Variants in CELF2 observed in about 807,000 individuals in gnomAD.
The protein encoded by CELF2 is CUG triplet repeat RNA-binding protein 2.
CELF2 carries 8 observed loss-of-function variants against 62.6 expected under a neutral mutation model. That is an observed-to-expected ratio of 0.13 (90% CI 0.07 to 0.23). CELF2 has a LOEUF of 0.23. CELF2 is among the 10% of genes least tolerant of loss of function. The pLI is 1.00. For missense variants in CELF2, 333 were observed against 671.0 expected, an observed-to-expected ratio of 0.50 and a Z score of 5.56; for synonymous variants, 258 against 250.0, an observed-to-expected ratio of 1.03 and a Z score of -0.30.
chr10:10,976,047 G>C (rs2051303084), intron 2 of CELF2, among the ~76,000 whole-genome samples: 1 of 152,234 alleles, frequency 6.6e-6, no homozygotes. Flanking sequence ...TAACTTCTGG[G>C]TCTTTGCCTT....
At chr10:10,845,476 C>T (rs1172597437) in intron 1 of CELF2, among the ~76,000 whole-genome samples, 1 of 151,780 alleles carries the variant, frequency 6.6e-6, no homozygotes, top group East Asian at 1.9e-4. Context: ...CACACACACA[C>T]TCTGTCCAAG....
At position 11,306,433 on chromosome 10, in the gene CELF2, C is replaced by T. The variant is rs1430070628; in HGVS notation, c.977-7706C>T. 1.3e-5 allele frequency among the ~76,000 whole-genome samples: 2 copies of T among 152,048 alleles called. No homozygotes were observed. The highest frequency in any genetic ancestry group is 2.9e-5 in the Non-Finnish European group (2 of 68,010). On this transcript the variant is annotated intron_variant, in intron 9 of 12. Coordinates refer to ENST00000633077, the MANE Select transcript of CELF2 (RefSeq NM_001326342.2). This position sits in a 1 kb window ranked among gnomAD's most constrained non-coding sequence, Gnocchi z 4.4. The stretch of plus-strand genomic sequence containing the variant: ...AAATGGAGAGTCTGGGTGTTGGTGG[C>T]ACCGCATGTGTCTCTGTCTAAGACC...
At chr10:10,945,701 C>T (rs899918977) in intron 2 of CELF2, among the ~76,000 whole-genome samples, 11 of 152,152 alleles carry the variant, frequency 7.2e-5, no homozygotes, top group African/African-American at 1.9e-4. Context: ...TAAATGGTGT[C>T]GCTGACAGTC....
intron 1 of CELF2, among the ~76,000 whole-genome samples, chr10:11,089,567 G>A (rs1258224820): frequency 2.6e-5 from 4 of 152,198 alleles, no homozygotes; most frequent in Non-Finnish European, 2.9e-5. Context: ...CGTGAAGACA[G>A]GAGTGTCAGT....
chr10:10,844,129 T>C (rs1175638054), intron 1 of CELF2, among the ~76,000 whole-genome samples: 2 of 152,054 alleles, frequency 1.3e-5, no homozygotes, highest in Admixed American at 1.3e-4. Flanking sequence ...AGAGTCCTGA[T>C]ATTTTTTTCC....
intron 1 of CELF2, among the ~76,000 whole-genome samples, chr10:11,059,133 T>C (rs935326840): frequency 6.6e-6 from 1 of 152,216 alleles, no homozygotes; most frequent in Non-Finnish European, 1.5e-5. Context: ...AAACTGCTAC[T>C]TCAGCGCCCT....
At chr10:11,128,855 T>G (rs1055662185) in intron 1 of CELF2, among the ~76,000 whole-genome samples, 3 of 152,210 alleles carry the variant, frequency 2.0e-5, no homozygotes, top group African/African-American at 4.8e-5. Flanking sequence ...CTTTCCTAAT[T>G]GAATACCCTT....
At chr10:10,784,173 A>C in the CELF2 span, among the ~76,000 whole-genome samples, 1 of 152,270 alleles carries the variant, frequency 6.6e-6, no homozygotes, top group South Asian at 2.1e-4. Context: ...GATATGCCTC[A>C]TTTATTCTGG....
the CELF2 span, among the ~76,000 whole-genome samples, chr10:10,560,495 T>G: frequency 1.3e-5 from 2 of 152,168 alleles, no homozygotes; most frequent in African/African-American, 2.4e-5. Context: ...CATCCTACCC[T>G]GTCTTTGATT....
chr10:11,272,561 C>G (rs1003705641), intron 7 of CELF2, among the ~76,000 whole-genome samples: 1 of 152,264 alleles, frequency 6.6e-6, no homozygotes, highest in Non-Finnish European at 1.5e-5. Context: ...TCACAGAAAT[C>G]TCCGGCACAT....
intron 1 of CELF2, among the ~76,000 whole-genome samples, chr10:10,854,281 A>C (rs2059574041): frequency 1.3e-5 from 2 of 152,104 alleles, no homozygotes; most frequent in South Asian, 4.2e-4. Context: ...AATTTGGGGG[A>C]AGGGTGCTTA....
chr10:10,490,468 T>A, the CELF2 span, among the ~76,000 whole-genome samples: 6 of 152,114 alleles, frequency 3.9e-5, no homozygotes, highest in African/African-American at 1.4e-4. Flanking sequence ...GAGTCAAACC[T>A]GTCTGTGATG....
intron 2 of CELF2, among the ~76,000 whole-genome samples, chr10:11,183,391 A>G (rs1435138198): frequency 6.6e-6 from 1 of 152,216 alleles, no homozygotes; most frequent in African/African-American, 2.4e-5. Flanking sequence ...ATTTTAAACA[A>G]AAAGCTGCTG....
the CELF2 span, among the ~76,000 whole-genome samples, chr10:10,601,901 C>G: frequency 2.0e-5 from 3 of 152,074 alleles, no homozygotes; most frequent in Non-Finnish European, 4.4e-5. Flanking sequence ...AACCCCACCC[C>G]TCAGCGGGCC....
the CELF2 span, among the ~76,000 whole-genome samples, chr10:10,732,816 G>A: frequency 5.3e-5 from 8 of 152,260 alleles, no homozygotes; most frequent in South Asian, 1.0e-3. Flanking sequence ...GAGCCACCAC[G>A]CCCAGCCTCC....
the CELF2 span, among the ~76,000 whole-genome samples, chr10:10,577,601 C>T: frequency 1.3e-5 from 2 of 150,014 alleles, no homozygotes; most frequent in Non-Finnish European, 3.0e-5. Flanking sequence ...TGAGTGAGAA[C>T]ATGCGGTGTT....
chr10:11,294,897 G>A (rs373647804), intron 9 of CELF2, among the ~76,000 whole-genome samples: 1 of 152,214 alleles, frequency 6.6e-6, no homozygotes, highest in African/African-American at 2.4e-5. Context: ...GCAACAGAGT[G>A]AGGCTCTTTC....
At chr10:10,593,727 C>G in the CELF2 span, among the ~76,000 whole-genome samples, 473 of 152,292 alleles carry the variant, frequency 3.1e-3, 2 homozygotes, top group African/African-American at 0.011. Context: ...ACCATCTAGG[C>G]AACCCTGATT....
At chr10:11,155,072 C>T (rs1428339014) in intron 1 of CELF2, among the ~76,000 whole-genome samples, 1 of 152,192 alleles carries the variant, frequency 6.6e-6, no homozygotes, top group Non-Finnish European at 1.5e-5. Context: ...GAGGAATGAG[C>T]CAGTCTGATG....
Sources: gnomAD v4.1 joint callset for allele counts (sites outside exome capture counted in the v4.1 genomes callset) on GRCh38, gnomAD v4.1.1 for gene constraint, Gnocchi (gnomAD v3.1) non-coding constraint, MANE v1.5 for transcripts, NCBI Gene and HGNC (gene_info 2026-07-23, HGNC 2026-07-21) for gene names.